The following RNF14 variants were observed in gnomAD, a reference collection of about 807,000 sequenced individuals.
The protein encoded by RNF14 is E3 ubiquitin-protein ligase RNF14.
Under a neutral mutation model 52.6 loss-of-function variants are expected in RNF14, and 26 were observed. The ratio of observed to expected loss-of-function variants is 0.49; its 90% CI spans 0.36 to 0.69. The LOEUF is 0.69. Ranked by LOEUF, RNF14 falls within the 30% of genes least tolerant of loss-of-function variation. RNF14 has a pLI of 0.00. For missense variants in RNF14, 404 were observed against 560.4 expected (o/e 0.72, Z 2.82); for synonymous variants, 194 against 202.0 (o/e 0.96, Z 0.34).
At chr5:141,985,769 G>C (rs1285821037) in intron 8 of RNF14, among the ~76,000 whole-genome samples, 3 of 152,148 alleles carry the variant, frequency 2.0e-5, no homozygotes, top group Non-Finnish European at 4.4e-5. Context: ...TAGCCAGGAT[G>C]GTCTCGATCT....
chr5:141,986,210 C>T (rs1400103331), intron 8 of RNF14, among the ~76,000 whole-genome samples: 1 of 152,190 alleles, frequency 6.6e-6, no homozygotes, highest in Admixed American at 6.5e-5. Context: ...TCCAAGAGCT[C>T]TCCACTTTCA....
intron 2 of RNF14, among the ~76,000 whole-genome samples, chr5:141,971,247 T>A (rs1403488399): frequency 1.3e-5 from 2 of 152,258 alleles, no homozygotes; most frequent in Non-Finnish European, 2.9e-5. Context: ...CATTGATTCA[T>A]ACTTTATTTT....
At chr5:141,982,321 A>G (rs375771605) in intron 6 of RNF14, among the ~76,000 whole-genome samples, 4 of 152,322 alleles carry the variant, frequency 2.6e-5, no homozygotes, top group African/African-American at 9.6e-5. Context: ...TGAGATTTAC[A>G]TTGCTTCACT....
chr5:141,952,152 G>A, the RNF14 span, among the ~76,000 whole-genome samples: 4 of 152,176 alleles, frequency 2.6e-5, no homozygotes, highest in Non-Finnish European at 5.9e-5. Context: ...CCCAGCTGCT[G>A]CCCTCAGCGT....
intron 6 of RNF14, 145 bp from the exon 7 acceptor site, chr5:141,983,235 C>T (rs1754936418): frequency 1.6e-6 from 1 of 623,050 alleles, no homozygotes; most frequent in Non-Finnish European, 2.7e-6. Context: ...ATATGCATCT[C>T]CATGCATATG....
At chr5:141,961,143 T>G (rs1382182655) in intron 1 of RNF14, among the ~76,000 whole-genome samples, 2 of 152,334 alleles carry the variant, frequency 1.3e-5, no homozygotes, top group Admixed American at 1.3e-4. Context: ...TGTTAACATT[T>G]ATATTCTTCA....
At chr5:141,960,699 C>A (rs1753267572) in intron 1 of RNF14, among the ~76,000 whole-genome samples, 1 of 152,198 alleles carries the variant, frequency 6.6e-6, no homozygotes, top group Non-Finnish European at 1.5e-5. Context: ...TCTCATGACG[C>A]ACTCACAGCC....
intron 8 of RNF14, among the ~76,000 whole-genome samples, chr5:141,986,999 G>T (rs1352905420): frequency 2.0e-5 from 3 of 152,204 alleles, no homozygotes; most frequent in Admixed American, 6.5e-5. Context: ...CCATAGACTG[G>T]CTAGAACCAC....
intron 2 of RNF14, among the ~76,000 whole-genome samples, chr5:141,973,215 T>C (rs1753942927): frequency 6.6e-6 from 1 of 151,666 alleles, no homozygotes; most frequent in African/African-American, 2.4e-5. Flanking sequence ...CCATTAAGCT[T>C]TTTCCACCTC....
At chr5:141,949,821 A>G in the RNF14 span, among the ~76,000 whole-genome samples, 20 of 152,282 alleles carry the variant, frequency 1.3e-4, no homozygotes, top group African/African-American at 4.6e-4. Flanking sequence ...GGGTAAAATG[A>G]GACGTTGTAG....
At position 141,989,904 on chromosome 5, in the gene RNF14, T is replaced by C. The variant is rs1025526179; in HGVS notation, c.*2114T>C. 11 of 152,302 alleles carry C rather than the reference T, an allele frequency of 7.2e-5. No homozygotes were observed. Among genetic ancestry groups the C allele is most frequent in the African/African-American group, 2.6e-4 (11 of 41,564 alleles). 9.4% of individuals were successfully genotyped at this position (152,302 alleles called of 1,614,324 possible). A position where few individuals can be genotyped will look rare whatever the true frequency, so the allele number is the denominator to read the frequency against. On this transcript the variant is annotated 3_prime_UTR_variant, in exon 9 of 9. Coordinates refer to ENST00000394520, the MANE Select transcript of RNF14 (RefSeq NM_004290.5). ...GAGATCATTTTATGTTAAGCTGTTA[T>C]ACATTGTTGATGATGTCATAGAAGT...
chr5:141,955,444 A>G, upstream of RNF14: 2 of 1,614,046 alleles, frequency 1.2e-6, no homozygotes, highest in Non-Finnish European at 1.7e-6. This position sits in a 1 kb window ranked among gnomAD's most constrained non-coding sequence, Gnocchi z 5.5. Flanking sequence ...TGCTTCCATC[A>G]TCGCCTCCTT....
chr5:141,975,194 C>G (rs1754137148), intron 4 of RNF14, among the ~76,000 whole-genome samples: 1 of 152,102 alleles, frequency 6.6e-6, no homozygotes, highest in Non-Finnish European at 1.5e-5. Context: ...AATTTTTAAT[C>G]AAGTATATTA....
upstream of RNF14, among the ~76,000 whole-genome samples, chr5:141,968,118 CTTTTTT>C (rs55650781): frequency 8.4e-6 from 1 of 118,962 alleles, no homozygotes; most frequent in Non-Finnish European, 1.8e-5. Flanking sequence ...TTGTGTTTGA[CTTTTTT>C]TTTTTTTTTT....
chr5:141,976,850 A>G (rs1000552447), intron 4 of RNF14, among the ~76,000 whole-genome samples: 1 of 143,624 alleles, frequency 7.0e-6, no homozygotes, highest in Non-Finnish European at 1.5e-5. Context: ...GCACAGGGGC[A>G]CAATCTCAGC....
At chr5:141,978,203 G>T in intron 4 of RNF14, 100 bp from the exon 5 acceptor site, 2 of 984,452 alleles carry the variant, frequency 2.0e-6, no homozygotes, top group Non-Finnish European at 3.1e-6. Context: ...GTTAGAATAA[G>T]GGCCTAACTT....
intron 7 of RNF14, 116 bp from the exon 8 acceptor site, chr5:141,984,686 AC>A: frequency 1.1e-6 from 1 of 876,872 alleles, no homozygotes; most frequent in Non-Finnish European, 1.8e-6. Flanking sequence ...TGATATCTCA[AC>A]CCTGCATAAG....
At chr5:141,974,159 C>T (rs1754040403) in intron 3 of RNF14, among the ~76,000 whole-genome samples, 1 of 152,220 alleles carries the variant, frequency 6.6e-6, no homozygotes, top group Non-Finnish European at 1.5e-5. Flanking sequence ...TACTCTGTGA[C>T]CTTTTGCTTC....
At chr5:141,952,277 T>TG in the RNF14 span, 9 of 152,308 alleles carry the variant, frequency 5.9e-5, no homozygotes, top group East Asian at 1.5e-3. Context: ...AGGGAAAGAA[T>TG]GGGGGCTCTG....
Sources: gnomAD v4.1 joint callset for allele counts (sites outside exome capture counted in the v4.1 genomes callset) on GRCh38, gnomAD v4.1.1 for gene constraint, Gnocchi (gnomAD v3.1) non-coding constraint, MANE v1.5 for transcripts, NCBI Gene and HGNC (gene_info 2026-07-23, HGNC 2026-07-21) for gene names.